The following STXBP4 variants were observed in gnomAD, a reference collection of about 807,000 sequenced individuals.
STXBP4 encodes syntaxin binding protein 4.
In STXBP4, 55 loss-of-function variants were observed where a neutral mutation model predicts 76.1. The observed-to-expected ratio is 0.72, with a 90% CI of 0.58 to 0.91. The LOEUF (loss-of-function observed/expected upper bound fraction) is 0.91. STXBP4 is among the 40% of genes least tolerant of loss of function. The pLI is 0.00. For missense variants in STXBP4, 618 were observed against 636.9 expected (o/e 0.97, Z 0.32); for synonymous variants, 201 against 220.2 (o/e 0.91, Z 0.77).
chr17:55,133,013 T>G (rs908942035), intron 16 of STXBP4, among the ~76,000 whole-genome samples: 2 of 151,576 alleles, frequency 1.3e-5, no homozygotes, highest in African/African-American at 4.8e-5. Context: ...TCAGAGAAGT[T>G]GGAGATGGGG....
intron 1 of STXBP4, among the ~76,000 whole-genome samples, chr17:54,984,332 CTTTTTTCTTTTTTTTTT>C (rs1418473275): frequency 2.3e-5 from 3 of 130,282 alleles, no homozygotes; most frequent in Middle Eastern, 3.9e-3. Flanking sequence ...CTCTCTTTTT[CTTTTTTCTTTTTTTTTT>C]TTTTTTTTTT....
At chr17:55,204,336 G>C in the STXBP4 span, among the ~76,000 whole-genome samples, 9 of 151,808 alleles carry the variant, frequency 5.9e-5, no homozygotes, top group African/African-American at 2.2e-4. Flanking sequence ...CCAATTTCTT[G>C]AATGTATTAA....
chr17:54,968,840 CTG>C (rs747886600), intron 1 of STXBP4, 25 bp downstream of exon 1: 1 of 597,590 alleles, frequency 1.7e-6, no homozygotes, highest in Non-Finnish European at 3.0e-6. Context: ...TGCTTTGTGA[CTG>C]TTACTCCCAC....
chr17:55,069,521 G>A (rs1250242797), intron 12 of STXBP4, among the ~76,000 whole-genome samples: 5 of 152,060 alleles, frequency 3.3e-5, no homozygotes, highest in Admixed American at 1.3e-4. Flanking sequence ...TGCTAAATAC[G>A]GCACACTGCT....
chr17:55,030,944 T>C, intron 8 of STXBP4: 1 of 410,446 alleles, frequency 2.4e-6, no homozygotes. Context: ...AATTTGGTAT[T>C]AGCTAAAGTG....
intron 12 of STXBP4, among the ~76,000 whole-genome samples, chr17:55,066,304 A>C (rs1344284320): frequency 6.6e-6 from 1 of 151,752 alleles, no homozygotes; most frequent in African/African-American, 2.4e-5. Context: ...ACTCAGTGCA[A>C]CCTCCACCTC....
At chr17:55,107,776 G>A (rs760930165) in intron 16 of STXBP4, among the ~76,000 whole-genome samples, 7 of 152,184 alleles carry the variant, frequency 4.6e-5, no homozygotes, top group Non-Finnish European at 7.3e-5. Context: ...ATTGCTGCCT[G>A]TTCCTTCCCT....
chr17:55,191,303 C>G, the STXBP4 span, among the ~76,000 whole-genome samples: 1 of 152,080 alleles, frequency 6.6e-6, no homozygotes, highest in Non-Finnish European at 1.5e-5. Context: ...CACCTGGGAG[C>G]CAATATGCAG....
intron 15 of STXBP4, 85 bp from the exon 16 acceptor site, chr17:55,080,965 C>G: frequency 1.6e-6 from 2 of 1,239,916 alleles, no homozygotes; most frequent in Non-Finnish European, 1.0e-6. Flanking sequence ...TTGTACAAAT[C>G]TATAACTGAT....
chr17:55,019,224 C>T (rs943880838), intron 8 of STXBP4, among the ~76,000 whole-genome samples: 1 of 151,758 alleles, frequency 6.6e-6, no homozygotes, highest in African/African-American at 2.4e-5. Flanking sequence ...TTTTATTCCG[C>T]CTTTTTATTG....
intron 16 of STXBP4, among the ~76,000 whole-genome samples, chr17:55,123,601 G>A (rs931826971): frequency 4.6e-5 from 7 of 151,994 alleles, no homozygotes; most frequent in Admixed American, 2.6e-4. Context: ...CAACAACAAC[G>A]ACAAATAGAA....
chr17:54,972,250 A>C (rs1318626958), intron 1 of STXBP4, among the ~76,000 whole-genome samples: 1 of 152,198 alleles, frequency 6.6e-6, no homozygotes, highest in Admixed American at 6.5e-5. Context: ...TTGTAGGGAG[A>C]AGCTTTGAGA....
intron 16 of STXBP4, among the ~76,000 whole-genome samples, chr17:55,098,697 G>A (rs938075491): frequency 6.6e-6 from 1 of 152,150 alleles, no homozygotes; most frequent in Non-Finnish European, 1.5e-5. Flanking sequence ...CAGTTTAATT[G>A]CCTACTATCA....
At chr17:55,200,491 C>G in the STXBP4 span, among the ~76,000 whole-genome samples, 1 of 152,232 alleles carries the variant, frequency 6.6e-6, no homozygotes, top group Non-Finnish European at 1.5e-5. Context: ...CTTCATAGCA[C>G]TTTTACCCCT....
At chr17:55,087,373 AT>A (rs903298298) in intron 16 of STXBP4, among the ~76,000 whole-genome samples, 1 of 151,440 alleles carries the variant, frequency 6.6e-6, no homozygotes, top group Non-Finnish European at 1.5e-5. Flanking sequence ...TGTTTCCCCT[AT>A]TTTTTTCTCC....
chr17:55,097,662 C>CAA (rs200058182), intron 16 of STXBP4, among the ~76,000 whole-genome samples: 40 of 135,242 alleles, frequency 3.0e-4, no homozygotes, highest in East Asian at 4.2e-4. Flanking sequence ...GACTCCATCT[C>CAA]AAAAAAAAAA....
rs570562198 is a variant in STXBP4, at chr17:55,059,164, C to T, written c.1011+12010C>T. Among the ~76,000 whole-genome samples, 9 of 151,984 alleles carry T rather than the reference C, an allele frequency of 5.9e-5. No homozygotes were observed. In the South Asian group the frequency reaches 1.9e-3, roughly 32 times the overall value. The stretch of plus-strand genomic sequence containing the variant: ...ACTAAATACAAAAAATAAATATAGC[C>T]TAATAAAAATAAGTATTTTAATTTA... On this transcript the variant is annotated intron_variant, in intron 12 of 17. Coordinates refer to ENST00000376352, the MANE Select transcript of STXBP4 (RefSeq NM_178509.6).
intron 3 of STXBP4, among the ~76,000 whole-genome samples, chr17:54,989,420 G>A (rs1449996247): frequency 1.3e-5 from 2 of 152,078 alleles, no homozygotes; most frequent in Non-Finnish European, 2.9e-5. Context: ...TTTAATAGTA[G>A]TTTCAGTTAT....
At position 55,160,952 on chromosome 17, in the gene STXBP4, G is replaced by A. The variant is rs1024987300; in HGVS notation, c.*1041G>A. 15 of 152,214 alleles carry A rather than the reference G, an allele frequency of 9.9e-5. No individual in the cohort carries two copies. The highest frequency in any genetic ancestry group is 3.6e-4 in the African/African-American group (15 of 41,460). The allele number at this position is 152,214 out of a possible 1,614,324, so 9.4% of individuals were successfully genotyped here. A position where few individuals can be genotyped will look rare whatever the true frequency, so the allele number is the denominator to read the frequency against. Reference sequence around the variant, plus strand: ...GAGGGATGGTTTGAGGGGAGCTGATGAGAAGAGAGGTATCTGTTAAAACAT... The same window carrying A: ...GAGGGATGGTTTGAGGGGAGCTGATAAGAAGAGAGGTATCTGTTAAAACAT... On this transcript the variant is annotated 3_prime_UTR_variant, in exon 18 of 18. Transcript: ENST00000376352.
Sources: gnomAD v4.1 joint callset for allele counts (sites outside exome capture counted in the v4.1 genomes callset) on GRCh38, gnomAD v4.1.1 for gene constraint, MANE v1.5 for transcripts, NCBI Gene and HGNC (gene_info 2026-07-23, HGNC 2026-07-21) for gene names.